The following PRKCH variants were observed in gnomAD, a reference collection of about 807,000 sequenced individuals.
The protein encoded by PRKCH is protein kinase C eta, also known as protein kinase C eta type.
A neutral mutation model predicts 82.5 loss-of-function variants in PRKCH; 28 were observed. That is an observed-to-expected ratio of 0.34 (90% CI 0.25 to 0.47). The LOEUF is 0.47. Among genes scored for constraint, PRKCH ranks in the 20% least tolerant of loss-of-function variants. The pLI, the probability that PRKCH is intolerant of heterozygous loss-of-function variation, is 1.00. For synonymous variants in PRKCH, 322 were observed against 327.4 expected, an observed-to-expected ratio of 0.98 and a Z score of 0.18; for missense variants, 705 against 881.8, an observed-to-expected ratio of 0.80 and a Z score of 2.54.
At chr14:61,426,939 A>G (rs1229955458) in intron 2 of PRKCH, among the ~76,000 whole-genome samples, 2 of 152,242 alleles carry the variant, frequency 1.3e-5, no homozygotes, top group South Asian at 2.1e-4. Flanking sequence ...GTTGTCGACA[A>G]AGAGTCAAAC....
chr14:61,237,144 G>A (rs1293140292), intron 1 of PRKCH, among the ~76,000 whole-genome samples: 2 of 151,598 alleles, frequency 1.3e-5, no homozygotes, highest in African/African-American at 4.9e-5. Flanking sequence ...AAGGGAGGCT[G>A]AGGCAGAAGA....
Position 61,542,323 on chromosome 14 carries a change from GT to G in PRKCH, c.1762-5417del, listed in dbSNP as rs577272422. ...AAAACAAAACAAACAAAAAACTATT[GT>G]TTGTATTCTCGTTTTAAGATTGTCT... On this transcript the variant is annotated intron_variant, in intron 12 of 13. Transcript: ENST00000332981. 2.7e-5 allele frequency among the ~76,000 whole-genome samples: 4 copies of G among 149,908 alleles called. No homozygotes were observed. In the South Asian group the frequency reaches 8.5e-4, roughly 32 times the overall value.
intron 1 of PRKCH, among the ~76,000 whole-genome samples, chr14:61,203,587 TG>T (rs2044499447): frequency 6.6e-6 from 1 of 152,224 alleles, no homozygotes; most frequent in East Asian, 1.9e-4. Context: ...AGGTTGGCAT[TG>T]GGGGCATCTC....
intron 1 of PRKCH, among the ~76,000 whole-genome samples, chr14:61,263,847 TTGTGTGTGTGTGTGTGTGTGTGTGTGTG>T (rs56280986): frequency 1.4e-5 from 2 of 144,194 alleles, no homozygotes; most frequent in African/African-American, 2.6e-5. Flanking sequence ...AGTCAGAGTA[TTGTGTGTGTGTGTGTGTGTGTGTGTGTG>T]TGTGTGTGTG....
intron 2 of PRKCH, among the ~76,000 whole-genome samples, chr14:61,423,640 A>T (rs906048408): frequency 3.3e-5 from 5 of 152,158 alleles, no homozygotes; most frequent in African/African-American, 1.2e-4. Context: ...TGAGGGCATC[A>T]GTTTGACAGG....
intron 1 of PRKCH, among the ~76,000 whole-genome samples, chr14:61,388,656 T>C (rs2140197220): frequency 6.6e-6 from 1 of 152,324 alleles, no homozygotes; most frequent in South Asian, 2.1e-4. Context: ...AAAAATAATG[T>C]ATTTTTGACT....
At chr14:61,190,144 A>G (rs1284748388) in intron 1 of PRKCH, among the ~76,000 whole-genome samples, 2 of 152,196 alleles carry the variant, frequency 1.3e-5, no homozygotes, top group African/African-American at 2.4e-5. Context: ...ACATATCATA[A>G]TGTACTCTCC....
intron 10 of PRKCH, among the ~76,000 whole-genome samples, chr14:61,491,427 T>C (rs1457653575): frequency 6.6e-6 from 1 of 152,238 alleles, no homozygotes; most frequent in East Asian, 1.9e-4. Flanking sequence ...TATTAGTAAC[T>C]TTCACATCAG....
intron 10 of PRKCH, among the ~76,000 whole-genome samples, chr14:61,521,038 A>C (rs950354382): frequency 6.6e-6 from 1 of 152,238 alleles, no homozygotes; most frequent in African/African-American, 2.4e-5. Context: ...ATTGTATGCA[A>C]CCATTATAGA....
At chr14:61,398,310 A>G (rs2046814771) in intron 2 of PRKCH, among the ~76,000 whole-genome samples, 1 of 152,200 alleles carries the variant, frequency 6.6e-6, no homozygotes, top group Non-Finnish European at 1.5e-5. Flanking sequence ...AAAAAAAAGA[A>G]TAGATTGAAA....
At chr14:61,325,850 T>A (rs989880309) in intron 1 of PRKCH, among the ~76,000 whole-genome samples, 1 of 152,154 alleles carries the variant, frequency 6.6e-6, no homozygotes, top group Non-Finnish European at 1.5e-5. Flanking sequence ...AAATAGCACA[T>A]TAAAAGATGC....
intron 1 of PRKCH, among the ~76,000 whole-genome samples, chr14:61,211,160 A>G (rs2044576035): frequency 6.6e-6 from 1 of 152,202 alleles, no homozygotes; most frequent in South Asian, 2.1e-4. Flanking sequence ...GCCCTTTGCC[A>G]GGGAGTGGCC....
At chr14:61,529,914 AT>A (rs1212946608) in intron 11 of PRKCH, among the ~76,000 whole-genome samples, 3 of 106,710 alleles carry the variant, frequency 2.8e-5, no homozygotes, top group Non-Finnish European at 3.7e-5. Flanking sequence ...ATAAAAAAAA[AT>A]ATATATATAT....
At chr14:61,401,880 T>C (rs533577274) in intron 2 of PRKCH, among the ~76,000 whole-genome samples, 4 of 152,344 alleles carry the variant, frequency 2.6e-5, no homozygotes, top group African/African-American at 7.2e-5. Context: ...CATTTTTACT[T>C]TGAAAGAATG....
At chr14:61,423,861 G>A (rs1460546156) in intron 2 of PRKCH, among the ~76,000 whole-genome samples, 4 of 152,176 alleles carry the variant, frequency 2.6e-5, no homozygotes, top group Non-Finnish European at 5.9e-5. Context: ...AACTGATATG[G>A]ATAGGTTTTG....
At chr14:61,284,274 A>T (rs922889889) in intron 1 of PRKCH, among the ~76,000 whole-genome samples, 2 of 152,234 alleles carry the variant, frequency 1.3e-5, no homozygotes, top group African/African-American at 2.4e-5. Context: ...GGGCAGATGA[A>T]TTTGAAAGAT....
At chr14:61,240,330 G>A (rs1017653990) in intron 1 of PRKCH, among the ~76,000 whole-genome samples, 1 of 152,200 alleles carries the variant, frequency 6.6e-6, no homozygotes, top group Non-Finnish European at 1.5e-5. Flanking sequence ...AGCGGTGTCT[G>A]ATTTGCACAG....
At position 61,272,006 on chromosome 14, in the gene PRKCH, A is replaced by G. The variant is rs1439012446; in HGVS notation, c.-19+84338A>G. The stretch of plus-strand genomic sequence containing the variant: ...TTTGGGAGGCCGAGGCGGGCGGATC[A>G]CGAGGTCAGGAGATCGAGACCATCC... On this transcript the variant is annotated intron_variant, in intron 1 of 3. Transcript: ENST00000555185. 7.9e-5 allele frequency among the ~76,000 whole-genome samples: 12 copies of G among 152,092 alleles called. No homozygotes were observed. In the East Asian group the frequency reaches 2.3e-3, roughly 29 times the overall value.
chr14:61,469,488 G>A (rs1381204227), intron 9 of PRKCH, among the ~76,000 whole-genome samples: 2 of 152,202 alleles, frequency 1.3e-5, no homozygotes, highest in Non-Finnish European at 2.9e-5. Flanking sequence ...GTGGGCTGCA[G>A]ATGGTTCCCT....
Sources: gnomAD v4.1 joint callset for allele counts (sites outside exome capture counted in the v4.1 genomes callset) on GRCh38, gnomAD v4.1.1 for gene constraint, MANE v1.5 for transcripts, NCBI Gene and HGNC (gene_info 2026-07-23, HGNC 2026-07-21) for gene names.